DLG1: variants seen among roughly 807,000 people sequenced by gnomAD.
The protein encoded by DLG1 is discs large MAGUK scaffold protein 1, also known as disks large homolog 1.
DLG1 carries 42 observed loss-of-function variants against 123.4 expected under a neutral mutation model. The ratio of observed to expected loss-of-function variants is 0.34; its 90% CI spans 0.27 to 0.44. DLG1 has a LOEUF of 0.44. Among genes scored for constraint, DLG1 ranks in the 20% least tolerant of loss-of-function variants. DLG1 has a pLI of 1.00. For synonymous variants in DLG1, 317 were observed against 356.2 expected (o/e 0.89, Z 1.24); for missense variants, 942 against 1,082.6 (o/e 0.87, Z 1.82).
rs780660978 is a variant in DLG1 at position 197,142,706 on chromosome 3, AAT to A, written c.588+10_588+11del. 6.9e-6 allele frequency: 11 copies of A among 1,588,708 alleles called. No individual in the cohort carries two copies. Among genetic ancestry groups the A allele is most frequent in the Non-Finnish European group, 9.5e-6 (11 of 1,163,366 alleles). ...GTTCTCTAGAACAACAGATTAAGAT[AAT>A]AGTTTTTACCCTTTCAAGTGTGATT... On this transcript the variant is annotated intron_variant, in intron 7 of 24. Coordinates refer to ENST00000667157, the MANE Select transcript of DLG1 (RefSeq NM_001366207.1).
At chr3:197,270,042 G>A (rs1763276455) in intron 4 of DLG1, among the ~76,000 whole-genome samples, 1 of 152,142 alleles carries the variant, frequency 6.6e-6, no homozygotes, top group South Asian at 2.1e-4. Context: ...TTGGAAGAAT[G>A]TGTCACCTGC....
intron 12 of DLG1, among the ~76,000 whole-genome samples, chr3:197,117,842 AT>A (rs1191143365): frequency 6.6e-6 from 1 of 152,204 alleles, no homozygotes; most frequent in Non-Finnish European, 1.5e-5. Context: ...TTTCGCTACA[AT>A]TTTTAAAAAC....
chr3:197,188,078 C>T (rs538961359), intron 5 of DLG1, among the ~76,000 whole-genome samples: 399 of 152,266 alleles, frequency 2.6e-3, no homozygotes, highest in Non-Finnish European at 4.8e-3. Context: ...GATTAATTCA[C>T]GGCATGTTTC....
At chr3:197,175,860 G>A (rs1164795897) in intron 5 of DLG1, among the ~76,000 whole-genome samples, 1 of 152,092 alleles carries the variant, frequency 6.6e-6, no homozygotes, top group Non-Finnish European at 1.5e-5. Context: ...GAAAATACAG[G>A]AGAAAAATGT....
intron 4 of DLG1, among the ~76,000 whole-genome samples, chr3:197,237,256 T>A (rs1357408541): frequency 6.6e-6 from 1 of 152,196 alleles, no homozygotes; most frequent in Non-Finnish European, 1.5e-5. Context: ...GGTGGCAGAC[T>A]AGCTAGGAAT....
At chr3:197,230,060 C>T (rs1282267668) in intron 4 of DLG1, among the ~76,000 whole-genome samples, 2 of 152,136 alleles carry the variant, frequency 1.3e-5, no homozygotes, top group Non-Finnish European at 2.9e-5. Flanking sequence ...AGTCCAAAGT[C>T]CTTACTATTC....
chr3:197,068,932 T>C (rs2148916986), intron 19 of DLG1, among the ~76,000 whole-genome samples: 1 of 152,126 alleles, frequency 6.6e-6, no homozygotes, highest in East Asian at 1.9e-4. Flanking sequence ...ATACAAGTTT[T>C]CCCCCATTTA....
chr3:197,297,304 T>C (rs558490769), intron 1 of DLG1, 69 bp from the exon 2 acceptor site: 92 of 1,579,902 alleles, frequency 5.8e-5, no homozygotes, highest in Admixed American at 4.6e-4. Flanking sequence ...CCTATCGAAA[T>C]AGAAAACCCT....
At position 197,297,228 on chromosome 3, in the gene DLG1, G is replaced by A. The variant is rs751454705; in HGVS notation, c.-24C>T. The A allele has an allele frequency of 1.9e-6, 3 of 1,614,000 alleles. No homozygotes were observed. The highest frequency in any genetic ancestry group is 2.5e-6 in the Non-Finnish European group (3 of 1,180,006). On this transcript the variant is annotated 5_prime_UTR_variant, in exon 2 of 25. Coordinates refer to ENST00000667157, the MANE Select transcript of DLG1 (RefSeq NM_001366207.1). Reference sequence around the variant, plus strand: ...ATTTTTCTCCAGAATCAGGAAGAGGGCACACACCTTTAAAACACACAACGG... The same window carrying A: ...ATTTTTCTCCAGAATCAGGAAGAGGACACACACCTTTAAAACACACAACGG...
chr3:197,140,889 G>T lies in DLG1; in HGVS notation c.589-625C>A, dbSNP rs189373745. On this transcript the variant is annotated intron_variant, in intron 7 of 24. Coordinates refer to ENST00000667157, the MANE Select transcript of DLG1 (RefSeq NM_001366207.1). Reference sequence around the variant, plus strand: ...AAGACCAACCTGAGAACTTAACATTGGTGAATTTTCTTGACAGCAAAGTAA... The same window carrying T: ...AAGACCAACCTGAGAACTTAACATTTGTGAATTTTCTTGACAGCAAAGTAA... Among the ~76,000 whole-genome samples, 10 of 152,232 alleles carry T rather than the reference G, an allele frequency of 6.6e-5. No individual in the cohort carries two copies. In the East Asian group the frequency reaches 1.9e-3, roughly 29 times the overall value.
chr3:197,225,569 T>C (rs1190684991), intron 4 of DLG1, among the ~76,000 whole-genome samples: 1 of 152,232 alleles, frequency 6.6e-6, no homozygotes, highest in Non-Finnish European at 1.5e-5. Context: ...TGGTGTTTCC[T>C]GTACACTTAA....
intron 17 of DLG1, among the ~76,000 whole-genome samples, chr3:197,079,896 G>GT (rs1039676371): frequency 2.0e-5 from 3 of 151,996 alleles, no homozygotes; most frequent in African/African-American, 7.2e-5. Context: ...TTAAGTCTGA[G>GT]TGCTTAGTGA....
At chr3:197,148,752 T>C (rs1792400986) in intron 6 of DLG1, among the ~76,000 whole-genome samples, 1 of 152,160 alleles carries the variant, frequency 6.6e-6, no homozygotes, top group Non-Finnish European at 1.5e-5. Context: ...GTCTTTGTGA[T>C]GTTGGATTAT....
intron 10 of DLG1, among the ~76,000 whole-genome samples, chr3:197,131,034 G>A (rs1200555714): frequency 6.6e-6 from 1 of 152,158 alleles, no homozygotes; most frequent in Non-Finnish European, 1.5e-5. Context: ...GATTTTTAAT[G>A]TAAGGTACCT....
chr3:197,232,146 G>C (rs1335650725), intron 4 of DLG1, among the ~76,000 whole-genome samples: 1 of 152,108 alleles, frequency 6.6e-6, no homozygotes, highest in Non-Finnish European at 1.5e-5. Context: ...ACAAAAAACA[G>C]CTATTTGGAT....
chr3:197,291,656 G>A (rs1366015429), intron 3 of DLG1, among the ~76,000 whole-genome samples: 1 of 152,192 alleles, frequency 6.6e-6, no homozygotes, highest in Non-Finnish European at 1.5e-5. Context: ...CCCAATGGTT[G>A]ACGGTGAGAA....
intron 18 of DLG1, chr3:197,069,947 G>A (rs1191202740): frequency 6.6e-6 from 1 of 152,140 alleles, no homozygotes. Flanking sequence ...ATATTTCTTA[G>A]AAACTCTGCT....
chr3:197,274,837 T>G (rs1242224974), intron 4 of DLG1, among the ~76,000 whole-genome samples: 1 of 152,220 alleles, frequency 6.6e-6, no homozygotes, highest in Non-Finnish European at 1.5e-5. Context: ...AAATGGTTAA[T>G]TGGTATATGA....
intron 9 of DLG1, among the ~76,000 whole-genome samples, chr3:197,137,600 T>C (rs1286648155): frequency 6.6e-6 from 1 of 152,098 alleles, no homozygotes; most frequent in Non-Finnish European, 1.5e-5. Flanking sequence ...ATATTGAATA[T>C]AAAAATCATA....
Sources: gnomAD v4.1 joint callset for allele counts (sites outside exome capture counted in the v4.1 genomes callset) on GRCh38, gnomAD v4.1.1 for gene constraint, MANE v1.5 for transcripts, NCBI Gene and HGNC (gene_info 2026-07-23, HGNC 2026-07-21) for gene names.